TATDN2: variants seen among roughly 807,000 people sequenced by gnomAD.
TATDN2 encodes 3'-5' RNA nuclease TATDN2.
Under a neutral mutation model 60.3 loss-of-function variants are expected in TATDN2, and 44 were observed. The observed-to-expected ratio is 0.73, with a 90% CI of 0.57 to 0.94. TATDN2 has a LOEUF of 0.94. TATDN2 is among the 40% of genes least tolerant of loss of function. The pLI is 0.00. For missense variants in TATDN2, 997 were observed against 948.0 expected, an observed-to-expected ratio of 1.05 and a Z score of -0.68; for synonymous variants, 399 against 355.8, an observed-to-expected ratio of 1.12 and a Z score of -1.37.
At position 10,249,299 on chromosome 3, in the gene TATDN2, C is replaced by T; in HGVS notation, c.99C>T (p.Ala33=). 1 of 1,605,596 alleles carries T rather than the reference C, an allele frequency of 6.2e-7. No homozygotes were observed. The highest frequency in any genetic ancestry group is 8.5e-7 in the Non-Finnish European group (1 of 1,174,608). Reference sequence around the variant, plus strand: ...GCCTCCGGGAGCCCTGTGATGTGGCCCCCTCCAGCCGGCCAGCTCAGAGGT... The same window carrying T: ...GCCTCCGGGAGCCCTGTGATGTGGCTCCCTCCAGCCGGCCAGCTCAGAGGT... ...RSCLREPCDV[A]PSSRPAQRSA... is the part of the protein sequence containing the mutation. Residue 33 remains alanine (A), a synonymous_variant, in exon 2 of 8, where the codon GCC becomes GCT. Transcript: ENST00000448281.
At chr3:10,272,760 T>C (rs242732) in intron 4 of TATDN2, among the ~76,000 whole-genome samples, 102,565 of 150,242 alleles carry the variant, frequency 0.68, 36,541 homozygotes, top group East Asian at 0.99. Context: ...TATAGCTGGG[T>C]GTGGTGACTC....
rs1297195202 is a variant in TATDN2 at position 10,249,310 on chromosome 3, G to A, written c.110G>A (p.Arg37Gln). 3.7e-6 allele frequency: 6 copies of A among 1,607,972 alleles called. No individual in the cohort carries two copies. The South Asian group carries it at 5.5e-5, about 15-fold the overall frequency. Residue 37 changes from arginine to glutamine, a missense_variant, in exon 2 of 8, where the codon CGG (arginine) becomes CAG (glutamine). Transcript: ENST00000448281. ...REPCDVAPSSRPAQRSASRSG... is the reference protein window; with the variant it reads ...REPCDVAPSSQPAQRSASRSG... Reference sequence around the variant, plus strand: ...CCCTGTGATGTGGCCCCCTCCAGCCGGCCAGCTCAGAGGTCTGCGTCGCGT... The same window carrying A: ...CCCTGTGATGTGGCCCCCTCCAGCCAGCCAGCTCAGAGGTCTGCGTCGCGT...
In TATDN2 at chr3:10,280,994, A is replaced by G. The variant is rs1698730254; in HGVS notation, c.*1812A>G. ...CCTGTGCCATCCACCTGCCAAGGAAAAGCACAAGGTGCTATCTACTTTTCT... is the reference window on the plus strand; with the variant it reads ...CCTGTGCCATCCACCTGCCAAGGAAGAGCACAAGGTGCTATCTACTTTTCT... On this transcript the variant is annotated 3_prime_UTR_variant, in exon 8 of 8. Coordinates refer to ENST00000448281, the MANE Select transcript of TATDN2 (RefSeq NM_014760.4). The G allele has an allele frequency of 6.6e-6, 1 of 152,364 alleles. No homozygotes were observed. Among genetic ancestry groups the G allele is most frequent in the African/African-American group, 2.4e-5 (1 of 41,582 alleles). The allele number at this position is 152,364 out of a possible 1,614,324, so 9.4% of individuals were successfully genotyped here.
At position 10,270,672 on chromosome 3, in the gene TATDN2, A is replaced by G; in HGVS notation, c.1490A>G (p.Asp497Gly). 1 of 1,614,194 alleles carries G rather than the reference A, an allele frequency of 6.2e-7. No homozygotes were observed. The highest frequency in any genetic ancestry group is 8.5e-7 in the Non-Finnish European group (1 of 1,180,032). The change falls in exon 4 of 8, where the codon GAC becomes GGC. Residue 497 changes from aspartate (D) to glycine (G), a missense_variant. Transcript: ENST00000448281. ...LEPSLEEGFI[D>G]THCHLDMLYS... ...CCAAGCCTAGAGGAGGGCTTCATTG[A>G]CACTCATTGTCACCTGGACATGCTC...
chr3:10,250,842 T>G (rs1358938176), intron 2 of TATDN2, among the ~76,000 whole-genome samples: 1 of 152,244 alleles, frequency 6.6e-6, no homozygotes, highest in Non-Finnish European at 1.5e-5. Context: ...CATTAATCCT[T>G]GATACAATTT....
chr3:10,275,773 A>C (rs200935926), intron 4 of TATDN2, among the ~76,000 whole-genome samples: 1,160 of 89,144 alleles, frequency 0.013, 14 homozygotes, highest in African/African-American at 0.043. Context: ...CAAAACAAAA[A>C]AAAACAAAGC....
chr3:10,276,266 GAC>G, intron 4 of TATDN2, 93 bp from the exon 5 acceptor site: 1 of 1,470,334 alleles, frequency 6.8e-7, no homozygotes, highest in South Asian at 1.3e-5. Flanking sequence ...AAAAAAGAGA[GAC>G]ACAGGGGGTG....
Position 10,249,494 on chromosome 3 carries a change from CA to C in TATDN2, c.297del (p.Gly100AlafsTer3). On this transcript the variant is annotated frameshift_variant, in exon 2 of 8. Transcript: ENST00000448281. LOFTEE classifies it high-confidence loss of function. ...GCCCTGGTGTGGGCGGGGCCGCCTCCAAAGGCTGCCTGATTCGGAACACTCG... is the reference window on the plus strand; with the variant it reads ...GCCCTGGTGTGGGCGGGGCCGCCTCCAAGGCTGCCTGATTCGGAACACTCG... Reference protein sequence around the residue: ...LGPGVGGAASKGCLIRNTRGF... With the variant: ...LGPGVGGAASXGCLIRNTRGF... 1.2e-6 allele frequency: 2 copies of C among 1,612,548 alleles called. No homozygotes were observed. The highest frequency in any genetic ancestry group is 1.7e-4 in the Middle Eastern group (1 of 6,054).
chr3:10,265,147 G>T (rs1234481047), intron 3 of TATDN2, among the ~76,000 whole-genome samples: 2 of 146,362 alleles, frequency 1.4e-5, no homozygotes, highest in African/African-American at 5.0e-5. Context: ...TGTGATCTCA[G>T]CTCACTGCCA....
chr3:10,257,855 T>TTTTTTTTTTTTTTTTTTTTA (rs1698336258), intron 2 of TATDN2, among the ~76,000 whole-genome samples: 1 of 85,054 alleles, frequency 1.2e-5, no homozygotes, highest in African/African-American at 6.1e-5. Context: ...TTTTTTTTTT[T>TTTTTTTTTTTTTTTTTTTTA]TTTTTTTTTT....
chr3:10,256,645 A>G (rs1453283832), intron 2 of TATDN2, among the ~76,000 whole-genome samples: 2 of 151,964 alleles, frequency 1.3e-5, no homozygotes, highest in Non-Finnish European at 2.9e-5. Context: ...TCTACTCTCA[A>G]ATGGCACCAG....
At position 10,249,530 on chromosome 3, in the gene TATDN2, G is replaced by A. The variant is rs774939933; in HGVS notation, c.330G>A (p.Leu110=). The A allele has an allele frequency of 5.4e-5, 86 of 1,598,632 alleles. No homozygotes were observed. The Admixed American group carries it at 1.5e-3, about 28-fold the overall frequency. The change falls in exon 2 of 8, where the codon CTG becomes CTA. Residue 110 remains leucine, a synonymous_variant. Transcript: ENST00000448281. ...TGATTCGGAACACTCGGGGGTTCCT[G>A]TCTTCAGGGGGATCCCCTCTGCGTC... ...GCLIRNTRGF[L]SSGGSPLRPA... is the part of the protein sequence containing the mutation.
At chr3:10,266,931 CTTTT>C (rs199956355) in intron 3 of TATDN2, among the ~76,000 whole-genome samples, 9 of 126,880 alleles carry the variant, frequency 7.1e-5, no homozygotes, top group Admixed American at 2.5e-4. Flanking sequence ...CTAAGGCAGT[CTTTT>C]TTTTTTTTTT....
At chr3:10,257,220 A>G (rs1698320173) in intron 2 of TATDN2, among the ~76,000 whole-genome samples, 1 of 150,778 alleles carries the variant, frequency 6.6e-6, no homozygotes, top group African/African-American at 2.4e-5. Context: ...TCAGAGGCGG[A>G]GGTTGCAGCG....
intron 4 of TATDN2, among the ~76,000 whole-genome samples, 183 bp downstream of exon 4, chr3:10,271,198 C>G (rs1343676374): frequency 6.6e-6 from 1 of 152,188 alleles, no homozygotes; most frequent in African/African-American, 2.4e-5. Context: ...CTATTTCTTA[C>G]TGTTCAGCTT....
intron 3 of TATDN2, among the ~76,000 whole-genome samples, chr3:10,264,720 C>A (rs1018248638): frequency 2.6e-5 from 4 of 151,670 alleles, no homozygotes; most frequent in African/African-American, 4.8e-5. Context: ...ACTCTGCCAC[C>A]CAGGCTGGAG....
rs754345325 is a variant in TATDN2 at position 10,259,168 on chromosome 3, C to G, written c.415-969C>G. On this transcript the variant is annotated intron_variant, in intron 2 of 7. Transcript: ENST00000448281. ...ATTACAGGCATGAGCCACCGCGCCC[C>G]GTGTGTTTTATAGAGATGGGGTTTC... 3.3e-5 allele frequency among the ~76,000 whole-genome samples: 5 copies of G among 151,910 alleles called. No homozygotes were observed. The East Asian group carries it at 9.8e-4, about 30-fold the overall frequency.
Position 10,270,419 on chromosome 3 carries a change from C to T in TATDN2, c.1237C>T (p.Arg413Trp), listed in dbSNP as rs771067261. 3.2e-5 allele frequency: 51 copies of T among 1,614,050 alleles called. No homozygotes were observed. The Admixed American group carries it at 5.7e-4, about 18-fold the overall frequency. The change falls in exon 4 of 8, where the codon CGG becomes TGG. Residue 413 changes from arginine to tryptophan, a missense_variant. Coordinates refer to ENST00000448281, the MANE Select transcript of TATDN2 (RefSeq NM_014760.4). The stretch of plus-strand genomic sequence containing the variant: ...TGCAGCCCAGGTTGGGAAGAGCAGC[C>T]GGAGCCGCATGAGTGATTATTCCCC... ...NDAAQVGKSS[R>W]SRMSDYSPNS...
chr3:10,280,171 C>G lies in TATDN2; in HGVS notation c.*989C>G, dbSNP rs1698710454. 6.5e-6 allele frequency: 1 copy of G among 153,952 alleles called. No homozygotes were observed. The highest frequency in any genetic ancestry group is 3.4e-3 in the Middle Eastern group (1 of 294). 9.5% of individuals were successfully genotyped at this position (153,952 alleles called of 1,614,324 possible). ...ATCAGCGTAATTCTCCGAAGCTCTGCTGGGCAGCTCAGCCATGTTACATTG... is the reference window on the plus strand; with the variant it reads ...ATCAGCGTAATTCTCCGAAGCTCTGGTGGGCAGCTCAGCCATGTTACATTG... On this transcript the variant is annotated 3_prime_UTR_variant, in exon 8 of 8. Coordinates refer to ENST00000448281, the MANE Select transcript of TATDN2 (RefSeq NM_014760.4).
Sources: allele counts gnomAD v4.1 joint callset (sites outside exome capture counted in the v4.1 genomes callset), GRCh38; gene constraint gnomAD v4.1.1; transcripts MANE v1.5; gene names NCBI Gene and HGNC (gene_info 2026-07-23, HGNC 2026-07-21).